OGA: variants seen among roughly 807,000 people sequenced by gnomAD.
The protein encoded by OGA is O-GlcNAcase.
OGA carries 21 observed loss-of-function variants against 102.0 expected under a neutral mutation model. The ratio of observed to expected loss-of-function variants is 0.21; its 90% CI spans 0.15 to 0.30. OGA has a LOEUF of 0.30. Among genes scored for constraint, OGA ranks in the 10% least tolerant of loss-of-function variants. The probability of loss-of-function intolerance (pLI) is 1.00; values close to 1 mark genes in which losing one functional copy is unlikely to be tolerated. For missense variants in OGA, 765 were observed against 1,107.8 expected (o/e 0.69, Z 4.39); for synonymous variants, 408 against 378.2 (o/e 1.08, Z -0.91).
At chr10:101,795,109 A>C (rs1469777801) in intron 10 of OGA, among the ~76,000 whole-genome samples, 2 of 152,202 alleles carry the variant, frequency 1.3e-5, no homozygotes, top group Non-Finnish European at 2.9e-5. Context: ...CAGGGTCAAA[A>C]TTTAGACTAT....
rs755857937 is a variant in OGA, at chr10:101,817,923, C to T, written c.100G>A (p.Ala34Thr). Residue 34 changes from alanine to threonine, a missense_variant, in exon 1 of 16, where the codon GCT becomes ACT. Around this residue, in one of 7 missense-constraint regions of OGA, gnomAD observed 117 missense variants for 85.7 expected, o/e 1.36. Coordinates refer to ENST00000361464, the MANE Select transcript of OGA (RefSeq NM_012215.5). The part of the protein sequence containing the change: ...SAGASLEPPA[A>T]PAPGEDNPAG... ...GGGTTGTCTTCTCCGGGTGCCGGAG[C>T]TGCCGGCGGCTCCAGCGATGCCCCC... is the stretch of plus-strand genomic sequence containing the variant. 6.3e-7 allele frequency: 1 copy of T among 1,581,490 alleles called. No homozygotes were observed. Among genetic ancestry groups the T allele is most frequent in the South Asian group, 1.1e-5 (1 of 87,378 alleles).
intron 1 of OGA, among the ~76,000 whole-genome samples, chr10:101,815,963 G>GAAAAAAAAAA (rs1364147466): frequency 2.2e-4 from 10 of 44,906 alleles, no homozygotes; most frequent in Non-Finnish European, 3.2e-4. Flanking sequence ...CAAAAAGAGA[G>GAAAAAAAAAA]AAAAAAAAAA....
chr10:101,810,626 TA>T (rs2065542459), intron 3 of OGA, among the ~76,000 whole-genome samples: 1 of 152,216 alleles, frequency 6.6e-6, no homozygotes, highest in Non-Finnish European at 1.5e-5. Flanking sequence ...CTAAAATCAA[TA>T]AACATTTTCC....
chr10:101,814,902 G>T, intron 1 of OGA, among the ~76,000 whole-genome samples: 1 of 152,128 alleles, frequency 6.6e-6, no homozygotes, highest in East Asian at 1.9e-4. Context: ...GCATCAAACT[G>T]GTATCTGGAA....
intron 14 of OGA, among the ~76,000 whole-genome samples, chr10:101,789,505 A>T (rs1388846906): frequency 6.6e-6 from 1 of 152,166 alleles, no homozygotes; most frequent in Non-Finnish European, 1.5e-5. Flanking sequence ...TCTCAAAAAA[A>T]TAAATAAATA....
rs77030441 is a variant in OGA, at chr10:101,786,325, T to G, written c.*126A>C. On this transcript the variant is annotated 3_prime_UTR_variant, in exon 16 of 16. Transcript: ENST00000361464. ...TGTGATGGGTGAGTTTTACATAGTC[T>G]TCTTTGTTTCGAATCCAATTGGCTG... 723 of 1,019,762 alleles carry G rather than the reference T, an allele frequency of 7.1e-4. 2 individuals are homozygous for G. Among genetic ancestry groups the G allele is most frequent in the African/African-American group, 4.9e-3 (294 of 60,522 alleles). 63.2% of individuals were successfully genotyped at this position (1,019,762 alleles called of 1,614,324 possible).
intron 3 of OGA, among the ~76,000 whole-genome samples, chr10:101,811,481 C>A (rs1167945758): frequency 6.9e-6 from 1 of 144,758 alleles, no homozygotes. Context: ...GGCAAGTTGA[C>A]TGCTTGAGTT....
At chr10:101,794,582 CTAA>C (rs2065294550) in intron 10 of OGA, among the ~76,000 whole-genome samples, 4 of 152,276 alleles carry the variant, frequency 2.6e-5, no homozygotes, top group Admixed American at 2.6e-4. Context: ...TCAGACTTGG[CTAA>C]TAATACCAGT....
chr10:101,790,815 T>C (rs2065252885), intron 14 of OGA, 81 bp downstream of exon 14: 1 of 1,057,648 alleles, frequency 9.5e-7, no homozygotes, highest in South Asian at 1.9e-5. Flanking sequence ...TTTTCCATTT[T>C]AGTAAGTACT....
intron 1 of OGA, among the ~76,000 whole-genome samples, chr10:101,816,645 TTGA>T (rs1245104113): frequency 6.6e-6 from 1 of 152,246 alleles, no homozygotes; most frequent in Non-Finnish European, 1.5e-5. Context: ...GCAATCATTT[TTGA>T]TGAATACTAT....
Position 101,786,290 on chromosome 10 carries a change from A to T in OGA, c.*161T>A. On this transcript the variant is annotated 3_prime_UTR_variant, in exon 16 of 16. Transcript: ENST00000361464. ...TACTATATTCTTCCAACCAGTGAGT[A>T]GTCTCAAAGTGTGATGGGTGAGTTT... 6.6e-6 allele frequency: 4 copies of T among 603,710 alleles called. No homozygotes were observed. Among genetic ancestry groups the T allele is most frequent in the Non-Finnish European group, 1.0e-5 (4 of 385,588 alleles). The allele number at this position is 603,710 out of a possible 1,614,324, so 37.4% of individuals were successfully genotyped here.
chr10:101,811,941 C>T (rs1023195187), intron 3 of OGA, among the ~76,000 whole-genome samples: 1 of 151,962 alleles, frequency 6.6e-6, no homozygotes, highest in Admixed American at 6.6e-5. Flanking sequence ...AGTTTCATTA[C>T]CAGCACCACC....
chr10:101,815,355 T>G (rs1302663185), intron 1 of OGA, among the ~76,000 whole-genome samples: 6 of 152,064 alleles, frequency 3.9e-5, no homozygotes, highest in Non-Finnish European at 5.9e-5. Flanking sequence ...CTCGGCTCAA[T>G]GCAATCTACG....
chr10:101,791,435 G>C lies in OGA; in HGVS notation c.2180C>G (p.Ser727Cys). 2.5e-6 allele frequency: 4 copies of C among 1,613,410 alleles called. No individual in the cohort carries two copies. Among genetic ancestry groups the C allele is most frequent in the Non-Finnish European group, 3.4e-6 (4 of 1,179,516 alleles). Residue 727 changes from serine to cysteine, a missense_variant, in exon 13 of 16, where the codon TCC becomes TGC. By Grantham distance (112) the Ser-to-Cys change is moderately radical. Coordinates refer to ENST00000361464, the MANE Select transcript of OGA (RefSeq NM_012215.5). ...IRPYFPKDEA[S>C]VYKICREMYD... ...CATTTCTCTGCAAATCTTGTACACG[G>C]ATGCCTGAAAATATAATCTAGTTAA...
intron 13 of OGA, 133 bp from the exon 14 acceptor site, chr10:101,791,221 C>A (rs550382618): frequency 3.3e-6 from 4 of 1,201,498 alleles, no homozygotes; most frequent in South Asian, 3.0e-5. Context: ...TAGAAATGCA[C>A]ACATATTCAG....
Position 101,813,618 on chromosome 10 carries a change from GTAAGAATGAAATT to G in OGA, c.200-25_200-13del. ...TCTTCCATAAAATCCTAGATTCAAA[GTAAGAATGAAATT>G]ATATTCAGTTTTAAAATGTGGTAAG... On this transcript the variant is annotated splice_polypyrimidine_tract_variant and intron_variant, in intron 1 of 15. Transcript: ENST00000361464. The G allele has an allele frequency of 6.6e-7, 1 of 1,508,936 alleles. No homozygotes were observed. Among genetic ancestry groups the G allele is most frequent in the Non-Finnish European group, 9.1e-7 (1 of 1,096,334 alleles). 93.5% of individuals were successfully genotyped at this position (1,508,936 alleles called of 1,614,324 possible).
At chr10:101,799,975 C>T (rs775164096) in intron 8 of OGA, among the ~76,000 whole-genome samples, 3 of 152,132 alleles carry the variant, frequency 2.0e-5, no homozygotes, top group Non-Finnish European at 4.4e-5. Context: ...CAGGTTGAGG[C>T]GACTGTCCTG....
intron 1 of OGA, among the ~76,000 whole-genome samples, chr10:101,815,861 T>C (rs2065615014): frequency 6.6e-6 from 1 of 150,862 alleles, no homozygotes; most frequent in Non-Finnish European, 1.5e-5. Context: ...AAGAGAGTTT[T>C]GTGATGGAAA....
intron 8 of OGA, among the ~76,000 whole-genome samples, chr10:101,799,772 T>C (rs1486069951): frequency 1.3e-5 from 2 of 152,218 alleles, no homozygotes; most frequent in African/African-American, 4.8e-5. Flanking sequence ...AAATAAAAGC[T>C]AATATTTAAG....
Sources: gnomAD v4.1 joint callset for allele counts (sites outside exome capture counted in the v4.1 genomes callset) on GRCh38, gnomAD v4.1.1 for gene constraint, gnomAD v4.1.1 regional missense constraint, MANE v1.5 for transcripts, NCBI Gene and HGNC (gene_info 2026-07-23, HGNC 2026-07-21) for gene names.